Variants in TIGD1 observed in about 807,000 individuals in gnomAD.
TIGD1 encodes the protein tigger transposable element derived 1.
TIGD1 carries 20 observed loss-of-function variants against 21.3 expected under a neutral mutation model. The observed-to-expected ratio is 0.94, with a 90% CI of 0.66 to 1.36. The LOEUF (loss-of-function observed/expected upper bound fraction) is 1.36. Ranked by LOEUF, TIGD1 falls within the 40% of genes most tolerant of loss-of-function variation. The pLI, the probability that TIGD1 is intolerant of heterozygous loss-of-function variation, is 0.00. For missense variants in TIGD1, 556 were observed against 350.5 expected, an observed-to-expected ratio of 1.59 and a Z score of -4.68; for synonymous variants, 177 against 123.2, an observed-to-expected ratio of 1.44 and a Z score of -2.89.
At position 232,545,505 on chromosome 2, in the gene TIGD1, C is replaced by T. The variant is rs1208357009; in HGVS notation, c.*2602G>A. ...AACAGGACCCAGGGAAGACCTGGTG[C>T]CGCCGCTGGTTATCCCACACCTGCC... On this transcript the variant is annotated 3_prime_UTR_variant, in exon 1 of 1. Coordinates refer to ENST00000408957, the MANE Select transcript of TIGD1 (RefSeq NM_145702.4). 3 of 1,590,208 alleles carry T rather than the reference C, an allele frequency of 1.9e-6. No individual in the cohort carries two copies. The highest frequency in any genetic ancestry group is 1.1e-5 in the South Asian group (1 of 89,270).
At position 232,548,747 on chromosome 2, in the gene TIGD1, G is replaced by A. The variant is rs374942312; in HGVS notation, c.1136C>T (p.Thr379Ile). The change falls in exon 1 of 1, where the codon ACC becomes ATC. Residue 379 changes from threonine to isoleucine, a missense_variant. Coordinates refer to ENST00000408957, the MANE Select transcript of TIGD1 (RefSeq NM_145702.4). ...SKLKTFWKGF[T>I]ILDAIKNIRD... ...AATGTTTTTAATGGCATCTAAAATGGTGAATCCTTTCCAGAAGGTTTTCAA... is the reference window on the plus strand; with the variant it reads ...AATGTTTTTAATGGCATCTAAAATGATGAATCCTTTCCAGAAGGTTTTCAA... 3 of 513,652 alleles carry A rather than the reference G, an allele frequency of 5.8e-6. No individual in the cohort carries two copies. Among genetic ancestry groups the A allele is most frequent in the African/African-American group, 3.8e-5 (2 of 52,620 alleles). 31.8% of individuals were successfully genotyped at this position (513,652 alleles called of 1,614,324 possible).
At position 232,550,205 on chromosome 2, in the gene TIGD1, C is replaced by T. The variant is rs906782408; in HGVS notation, c.-323G>A. ...TGGAAAAATGGCGCTGATACAATTG[C>T]TGGACTCAGGGCTGCCACAAACCCT... is the stretch of plus-strand genomic sequence containing the variant. On this transcript the variant is annotated 5_prime_UTR_variant, in exon 1 of 1. Transcript: ENST00000408957. 3.2e-5 allele frequency: 10 copies of T among 311,242 alleles called. No individual in the cohort carries two copies. The highest frequency in any genetic ancestry group is 1.0e-4 in the Admixed American group (2 of 19,320). 19.3% of individuals were successfully genotyped at this position (311,242 alleles called of 1,614,324 possible).
Position 232,544,309 on chromosome 2 carries a change from C to G in TIGD1, c.*3798G>C. 7.4e-7 allele frequency: 1 copy of G among 1,347,924 alleles called. No homozygotes were observed. Among genetic ancestry groups the G allele is most frequent in the Non-Finnish European group, 1.1e-6 (1 of 942,152 alleles). 83.5% of individuals were successfully genotyped at this position (1,347,924 alleles called of 1,614,324 possible). On this transcript the variant is annotated 3_prime_UTR_variant, in exon 1 of 1. Coordinates refer to ENST00000408957, the MANE Select transcript of TIGD1 (RefSeq NM_145702.4). ...AGCAGCACAAGCCCTTCACGCCAAC[C>G]TCTGGCTTCTGCTCTGAAGCTCGGC... is the stretch of plus-strand genomic sequence containing the variant.
In TIGD1 at chr2:232,544,936, G is replaced by C. The variant is rs1467031020; in HGVS notation, c.*3171C>G. On this transcript the variant is annotated 3_prime_UTR_variant, in exon 1 of 1. Transcript: ENST00000408957. ...AGTCAGGGTGGGGTGGAGGTGGAGT[G>C]AGTACCTGGGCTTGGAACCGTGATA... 2.5e-6 allele frequency: 4 copies of C among 1,613,200 alleles called. No homozygotes were observed. In the African/African-American group the frequency reaches 5.3e-5, roughly 22 times the overall value.
rs1488154271 is a variant in TIGD1 at position 232,547,045 on chromosome 2, G to T, written c.*1062C>A. ...ACACGAGTTTGGCTGGTAACCAGGG[G>T]ACACCCTTGGGCAAGTCACCTATGC... On this transcript the variant is annotated 3_prime_UTR_variant, in exon 1 of 1. Coordinates refer to ENST00000408957, the MANE Select transcript of TIGD1 (RefSeq NM_145702.4). 6.6e-6 allele frequency among the ~76,000 whole-genome samples: 1 copy of T among 152,176 alleles called. No homozygotes were observed. The highest frequency in any genetic ancestry group is 1.5e-5 in the Non-Finnish European group (1 of 68,040).
At position 232,549,998 on chromosome 2, in the gene TIGD1, C is replaced by A. The variant is rs770598540; in HGVS notation, c.-116G>T. Reference sequence around the variant, plus strand: ...GTGGGTGGAGCGGTCAGAACACACACAACATTAAGTTCCACGTCTTATAAA... The same window carrying A: ...GTGGGTGGAGCGGTCAGAACACACAAAACATTAAGTTCCACGTCTTATAAA... On this transcript the variant is annotated 5_prime_UTR_variant, in exon 1 of 1. Coordinates refer to ENST00000408957, the MANE Select transcript of TIGD1 (RefSeq NM_145702.4). The A allele has an allele frequency of 1.7e-5, 10 of 588,290 alleles. No homozygotes were observed. Among genetic ancestry groups the A allele is most frequent in the African/African-American group, 3.8e-5 (2 of 52,846 alleles). 36.4% of individuals were successfully genotyped at this position (588,290 alleles called of 1,614,324 possible). A position where few individuals can be genotyped will look rare whatever the true frequency, so the allele number is the denominator to read the frequency against.
In TIGD1 at chr2:232,544,373, C is replaced by T; in HGVS notation, c.*3734G>A. ...GAAGCCACCCCCTCTCTAGGTGTTCCTGAGGCTCTTGCCCCAGCTGCTGAG... is the reference window on the plus strand; with the variant it reads ...GAAGCCACCCCCTCTCTAGGTGTTCTTGAGGCTCTTGCCCCAGCTGCTGAG... On this transcript the variant is annotated 3_prime_UTR_variant, in exon 1 of 1. Coordinates refer to ENST00000408957, the MANE Select transcript of TIGD1 (RefSeq NM_145702.4). 1 of 1,613,176 alleles carries T rather than the reference C, an allele frequency of 6.2e-7. No individual in the cohort carries two copies. Among genetic ancestry groups the T allele is most frequent in the Admixed American group, 1.7e-5 (1 of 60,028 alleles).
Position 232,549,755 on chromosome 2 carries a change from A to G in TIGD1, c.128T>C (p.Leu43Pro). ...KAEIGRRLGLLRQTVSQVVNA... is the reference protein window; with the variant it reads ...KAEIGRRLGLPRQTVSQVVNA... ...TACAACTTGGCTAACTGTTTGCCGC[A>G]GGAGGCCTAGCCTTCGGCCTATCTC... The change falls in exon 1 of 1, where the codon CTG becomes CCG. Residue 43 changes from leucine (L) to proline (P), a missense_variant. Physicochemically the swap from Leu to Pro is moderately conservative, Grantham distance 98. Transcript: ENST00000408957. The G allele has an allele frequency of 7.2e-7, 1 of 1,389,494 alleles. No individual in the cohort carries two copies. The highest frequency in any genetic ancestry group is 1.0e-6 in the Non-Finnish European group (1 of 999,300). The allele number at this position is 1,389,494 out of a possible 1,614,324, so 86.1% of individuals were successfully genotyped here. A position where few individuals can be genotyped will look rare whatever the true frequency, so the allele number is the denominator to read the frequency against.
At position 232,544,557 on chromosome 2, in the gene TIGD1, T is replaced by C; in HGVS notation, c.*3550A>G. The stretch of plus-strand genomic sequence containing the variant: ...CAGCAGTGGCAGCGGCAAGGGCTGG[T>C]GGCGGCAGCGCTGGAGAAGCTAGGT... On this transcript the variant is annotated 3_prime_UTR_variant, in exon 1 of 1. Coordinates refer to ENST00000408957, the MANE Select transcript of TIGD1 (RefSeq NM_145702.4). 2 of 1,613,302 alleles carry C rather than the reference T, an allele frequency of 1.2e-6. No homozygotes were observed. Among genetic ancestry groups the C allele is most frequent in the Non-Finnish European group, 1.7e-6 (2 of 1,179,774 alleles).
chr2:232,545,730 T>C lies in TIGD1; in HGVS notation c.*2377A>G, dbSNP rs1692120248. 7 of 1,613,856 alleles carry C rather than the reference T, an allele frequency of 4.3e-6. No homozygotes were observed. The East Asian group carries it at 1.1e-4, about 26-fold the overall frequency. On this transcript the variant is annotated 3_prime_UTR_variant, in exon 1 of 1. Coordinates refer to ENST00000408957, the MANE Select transcript of TIGD1 (RefSeq NM_145702.4). ...TCACCAGACTGAGCCAACCAACCAC[T>C]GTGGGGCATGTGGGAGTCACACACG...
chr2:232,545,312 C>T lies in TIGD1; in HGVS notation c.*2795G>A, dbSNP rs1692104182. On this transcript the variant is annotated 3_prime_UTR_variant, in exon 1 of 1. Transcript: ENST00000408957. Reference sequence around the variant, plus strand: ...GGGTGAAAGAGTGAGACGTGAGACTCCGTCTCAAAAAAAAAAAAAAGGAAA... The same window carrying T: ...GGGTGAAAGAGTGAGACGTGAGACTTCGTCTCAAAAAAAAAAAAAAGGAAA... Among the ~76,000 whole-genome samples, 1 of 148,512 alleles carries T rather than the reference C, an allele frequency of 6.7e-6. No individual in the cohort carries two copies. Among genetic ancestry groups the T allele is most frequent in the Non-Finnish European group, 1.5e-5 (1 of 67,140 alleles).
Position 232,548,102 on chromosome 2 carries a change from G to A in TIGD1, c.*5C>T, listed in dbSNP as rs1279830399. 2 of 673,480 alleles carry A rather than the reference G, an allele frequency of 3.0e-6. No homozygotes were observed. Among genetic ancestry groups the A allele is most frequent in the Non-Finnish European group, 4.8e-6 (2 of 414,760 alleles). 41.7% of individuals were successfully genotyped at this position (673,480 alleles called of 1,614,324 possible). A position where few individuals can be genotyped will look rare whatever the true frequency, so the allele number is the denominator to read the frequency against. ...AAATACTTTATTGCTAAAAAATGCT[G>A]ATTATCAATCTGAGCCTTCGGTGAG... On this transcript the variant is annotated 3_prime_UTR_variant, in exon 1 of 1. Coordinates refer to ENST00000408957, the MANE Select transcript of TIGD1 (RefSeq NM_145702.4).
At position 232,549,770 on chromosome 2, in the gene TIGD1, C is replaced by A; in HGVS notation, c.113G>T (p.Arg38Leu). The A allele has an allele frequency of 2.6e-6, 4 of 1,510,500 alleles. No homozygotes were observed. Among genetic ancestry groups the A allele is most frequent in the Non-Finnish European group, 3.6e-6 (4 of 1,110,244 alleles). 93.6% of individuals were successfully genotyped at this position (1,510,500 alleles called of 1,614,324 possible). The change falls in exon 1 of 1, where the codon CGA becomes CTA. Residue 38 changes from arginine (R) to leucine (L), a missense_variant. Coordinates refer to ENST00000408957, the MANE Select transcript of TIGD1 (RefSeq NM_145702.4). ...EEGMSKAEIG[R>L]RLGLLRQTVS... The stretch of plus-strand genomic sequence containing the variant: ...TGTTTGCCGCAGGAGGCCTAGCCTT[C>A]GGCCTATCTCGGCTTTTGACATACC...
chr2:232,544,336 T>C lies in TIGD1; in HGVS notation c.*3771A>G, dbSNP rs2106222731. On this transcript the variant is annotated 3_prime_UTR_variant, in exon 1 of 1. Transcript: ENST00000408957. ...CTGGCTTCTGCTCTGAAGCTCGGCC[T>C]GCTGCCCTAGTGAAGCCACCCCCTC... 1 of 1,555,202 alleles carries C rather than the reference T, an allele frequency of 6.4e-7. No individual in the cohort carries two copies. Among genetic ancestry groups the C allele is most frequent in the Non-Finnish European group, 8.9e-7 (1 of 1,128,188 alleles).
chr2:232,550,264 G>T lies in TIGD1; in HGVS notation c.-382C>A. On this transcript the variant is annotated 5_prime_UTR_variant, in exon 1 of 1. Transcript: ENST00000408957. ...TTTCAGAATGCCCTATCTGCGAAGC[G>T]TAATAAAACGAGGTATGCCATAGTA... The T allele has an allele frequency of 3.5e-6, 1 of 288,628 alleles. No homozygotes were observed. The highest frequency in any genetic ancestry group is 6.8e-6 in the Non-Finnish European group (1 of 146,940). 17.9% of individuals were successfully genotyped at this position (288,628 alleles called of 1,614,324 possible). A position where few individuals can be genotyped will look rare whatever the true frequency, so the allele number is the denominator to read the frequency against.
In TIGD1 at chr2:232,549,498, A is replaced by C. The variant is rs1692223902; in HGVS notation, c.385T>G (p.Phe129Val). ...ATGAACCAACCTCTGCTAGCTTCAA[A>C]CTTTTCTTCTGCAGCTTCCACACCT... Reference protein sequence around the residue: ...ERGVEAAEEKFEASRGWFMRF... With the variant: ...ERGVEAAEEKVEASRGWFMRF... The change falls in exon 1 of 1, where the codon TTT becomes GTT. Residue 129 changes from phenylalanine (F) to valine (V), a missense_variant. Transcript: ENST00000408957. The C allele has an allele frequency of 5.9e-6, 4 of 680,454 alleles. No homozygotes were observed. In the East Asian group the frequency reaches 8.1e-5, roughly 14 times the overall value. 42.2% of individuals were successfully genotyped at this position (680,454 alleles called of 1,614,324 possible).
rs535263484 is a variant in TIGD1 at position 232,548,598 on chromosome 2, C to T, written c.1285G>A (p.Val429Met). ...AATTCTAGTTCTTTTGCTATTTCCACCACATCTGCACTTACTTCCTCCACT... is the reference window on the plus strand; with the variant it reads ...AATTCTAGTTCTTTTGCTATTTCCATCACATCTGCACTTACTTCCTCCACT... ...TSVEEVSADV[V>M]EIAKELELEV... Residue 429 changes from valine (V) to methionine (M), a missense_variant, in exon 1 of 1, where the codon GTG becomes ATG. Coordinates refer to ENST00000408957, the MANE Select transcript of TIGD1 (RefSeq NM_145702.4). 1.6e-4 allele frequency: 91 copies of T among 567,856 alleles called. No homozygotes were observed. Among genetic ancestry groups the T allele is most frequent in the South Asian group, 1.3e-3 (83 of 63,328 alleles). 35.2% of individuals were successfully genotyped at this position (567,856 alleles called of 1,614,324 possible).
At position 232,545,643 on chromosome 2, in the gene TIGD1, T is replaced by C. The variant is rs1482213191; in HGVS notation, c.*2464A>G. The stretch of plus-strand genomic sequence containing the variant: ...TGTGGCACAGCTGGCATCTTCCTCA[T>C]GGCCCACTACAACCGGGTGCCGGCC... On this transcript the variant is annotated 3_prime_UTR_variant, in exon 1 of 1. Transcript: ENST00000408957. The C allele has an allele frequency of 1.2e-6, 2 of 1,614,174 alleles. No individual in the cohort carries two copies. Among genetic ancestry groups the C allele is most frequent in the Non-Finnish European group, 1.7e-6 (2 of 1,180,026 alleles).
Position 232,544,250 on chromosome 2 carries a change from G to A in TIGD1, c.*3857C>T, listed in dbSNP as rs1199317518. On this transcript the variant is annotated 3_prime_UTR_variant, in exon 1 of 1. Transcript: ENST00000408957. ...GTATAGAAAGCTTTACCAAGGCCAC[G>A]TCACTGCCCCGGTATGCTGCCTCCA... 1.7e-5 allele frequency: 14 copies of A among 833,110 alleles called. No individual in the cohort carries two copies. The highest frequency in any genetic ancestry group is 2.4e-5 in the East Asian group (1 of 41,422). The allele number at this position is 833,110 out of a possible 1,614,324, so 51.6% of individuals were successfully genotyped here. A position where few individuals can be genotyped will look rare whatever the true frequency, so the allele number is the denominator to read the frequency against.
Sources: allele counts gnomAD v4.1 joint callset (sites outside exome capture counted in the v4.1 genomes callset), GRCh38; gene constraint gnomAD v4.1.1; transcripts MANE v1.5; gene names NCBI Gene and HGNC (gene_info 2026-07-23, HGNC 2026-07-21).